Variants in SERPINB8 observed in about 807,000 individuals in gnomAD.
SERPINB8 encodes the protein serpin B8.
SERPINB8 carries 25 observed loss-of-function variants against 35.3 expected under a neutral mutation model. That is an observed-to-expected ratio of 0.71 (90% CI 0.52 to 0.99). The LOEUF is 0.99. Ranked by LOEUF, SERPINB8 falls within the 50% of genes least tolerant of loss-of-function variation. The probability of loss-of-function intolerance (pLI) is 0.00; values close to 1 mark genes in which losing one functional copy is unlikely to be tolerated. For missense variants in SERPINB8, 484 were observed against 446.5 expected (o/e 1.08, Z -0.76); for synonymous variants, 186 against 160.8 (o/e 1.16, Z -1.19).
intron 1 of SERPINB8, among the ~76,000 whole-genome samples, chr18:64,003,322 A>G (rs1226956330): frequency 6.6e-6 from 1 of 152,124 alleles, no homozygotes; most frequent in East Asian, 1.9e-4. Context: ...AGTCTGAGGA[A>G]GTGCAGGTGG....
intron 1 of SERPINB8, among the ~76,000 whole-genome samples, chr18:63,972,807 A>G (rs1304175032): frequency 6.6e-6 from 1 of 152,176 alleles, no homozygotes; most frequent in East Asian, 1.9e-4. Flanking sequence ...TGTCCCTACA[A>G]AGGACATGAA....
chr18:64,000,348 A>G (rs1243064078), intron 1 of SERPINB8, among the ~76,000 whole-genome samples: 1 of 152,096 alleles, frequency 6.6e-6, no homozygotes, highest in Non-Finnish European at 1.5e-5. Flanking sequence ...ATTTAGGACC[A>G]TGATAGGGTA....
At position 63,970,095 on chromosome 18, in the gene SERPINB8, T is replaced by A; in HGVS notation, c.-86T>A. On this transcript the variant is annotated 5_prime_UTR_variant, in exon 1 of 7. Coordinates refer to ENST00000397985, the MANE Select transcript of SERPINB8 (RefSeq NM_002640.4). ...GCCTTGCCCTCAATCAAGGCGGACGTGAAGCATCTACAAAGGAGGAATAGT... is the reference window on the plus strand; with the variant it reads ...GCCTTGCCCTCAATCAAGGCGGACGAGAAGCATCTACAAAGGAGGAATAGT... The A allele has an allele frequency of 3.5e-6, 1 of 288,356 alleles. No individual in the cohort carries two copies. Among genetic ancestry groups the A allele is most frequent in the Non-Finnish European group, 6.8e-6 (1 of 147,550 alleles). The allele number at this position is 288,356 out of a possible 1,614,324, so 17.9% of individuals were successfully genotyped here.
At chr18:64,001,475 G>GTTTGTTTATTTATTTA (rs1555716935) in intron 1 of SERPINB8, among the ~76,000 whole-genome samples, 2,725 of 146,872 alleles carry the variant, frequency 0.019, 41 homozygotes, top group African/African-American at 0.045. Flanking sequence ...TTGTTTGTTT[G>GTTTGTTTATTTATTTA]TTTATTTATT....
chr18:64,018,983 G>A (rs2050963294), exon 8 of SERPINB8: 2 of 152,052 alleles, frequency 1.3e-5, no homozygotes. Flanking sequence ...AGATGCATGA[G>A]TGCCAACTAC....
chr18:64,000,566 C>G (rs745768853), intron 1 of SERPINB8, among the ~76,000 whole-genome samples: 1 of 152,184 alleles, frequency 6.6e-6, no homozygotes, highest in East Asian at 1.9e-4. Flanking sequence ...AGGCTTAGGA[C>G]CCCCTGGGCC....
chr18:63,974,561 T>C (rs2050550964), intron 1 of SERPINB8, among the ~76,000 whole-genome samples: 1 of 152,236 alleles, frequency 6.6e-6, no homozygotes. Context: ...AAAACTAGTT[T>C]AATGCCAATT....
chr18:63,974,861 G>T (rs1364415741), intron 1 of SERPINB8, among the ~76,000 whole-genome samples: 1 of 152,094 alleles, frequency 6.6e-6, no homozygotes, highest in Non-Finnish European at 1.5e-5. Context: ...GTGTGAGTGT[G>T]TGCACATGTA....
intron 4 of SERPINB8, among the ~76,000 whole-genome samples, chr18:63,983,154 C>T (rs2050698331): frequency 6.6e-6 from 1 of 152,102 alleles, no homozygotes; most frequent in Non-Finnish European, 1.5e-5. Context: ...CACAAGACAG[C>T]CCCCATAACA....
chr18:64,004,027 C>T (rs2050888616), intron 1 of SERPINB8, among the ~76,000 whole-genome samples: 1 of 152,200 alleles, frequency 6.6e-6, no homozygotes, highest in Admixed American at 6.5e-5. Context: ...TATACACACT[C>T]TCTTTCTCAC....
At chr18:63,993,061 A>G (rs2050832507), downstream of SERPINB8, among the ~76,000 whole-genome samples, 1 of 152,216 alleles carries the variant, frequency 6.6e-6, no homozygotes, top group Non-Finnish European at 1.5e-5. Flanking sequence ...GTTTGATCAT[A>G]TAGCCTCCAG....
chr18:64,009,229 C>G (rs1314398842), downstream of SERPINB8, among the ~76,000 whole-genome samples: 1 of 152,150 alleles, frequency 6.6e-6, no homozygotes, highest in Non-Finnish European at 1.5e-5. Flanking sequence ...TCATGTCATT[C>G]ATAGAAAGAC....
intron 6 of SERPINB8, chr18:63,986,554 A>G: frequency 2.3e-6 from 3 of 1,322,704 alleles, no homozygotes; most frequent in Non-Finnish European, 1.9e-6. Flanking sequence ...AGATTAATGT[A>G]ATGAATTGGT....
intron 5 of SERPINB8, among the ~76,000 whole-genome samples, chr18:63,984,403 T>G (rs1329361507): frequency 6.6e-6 from 1 of 152,186 alleles, no homozygotes; most frequent in African/African-American, 2.4e-5. Flanking sequence ...TTTATTGCCT[T>G]AAAAGTCAAA....
intron 1 of SERPINB8, among the ~76,000 whole-genome samples, chr18:63,973,235 T>C (rs1467754869): frequency 6.6e-6 from 1 of 152,254 alleles, no homozygotes; most frequent in Non-Finnish European, 1.5e-5. Flanking sequence ...ATTTCTCTGA[T>C]GACCAGTGAT....
rs541935147 is a variant in SERPINB8 at position 63,973,599 on chromosome 18, T to G, written c.-11+3429T>G. 4.4e-4 allele frequency among the ~76,000 whole-genome samples: 67 copies of G among 152,350 alleles called. 1 individual carries two copies. Among genetic ancestry groups the G allele is most frequent in the Non-Finnish European group, 8.1e-4 (55 of 68,026 alleles). On this transcript the variant is annotated intron_variant, in intron 1 of 6. Transcript: ENST00000397985. The stretch of plus-strand genomic sequence containing the variant: ...TGTCCTGAATGGTATTGCCTAGGTT[T>G]TCTTCTAGGGTTTTTATGGTTTTAG...
At chr18:63,978,098 T>G (rs942794576) in intron 1 of SERPINB8, among the ~76,000 whole-genome samples, 8 of 152,194 alleles carry the variant, frequency 5.3e-5, no homozygotes, top group Non-Finnish European at 1.0e-4. Context: ...GATCTCAAAA[T>G]ACTTAACTGA....
exon 2 of SERPINB8, chr18:64,005,544 G>A (rs1301718711): frequency 6.6e-6 from 1 of 152,222 alleles, no homozygotes; most frequent in Non-Finnish European, 1.5e-5. Flanking sequence ...TACACAGTGA[G>A]AAGGTGCCAT....
Position 63,977,942 on chromosome 18 carries a change from T to A in SERPINB8, c.-10-357T>A, listed in dbSNP as rs1463102170. ...TGCCTTTTCTGGCTTCTCGAGGAGG[T>A]TGCATTCCTTCATCAGTGGCCCCTA... On this transcript the variant is annotated intron_variant, in intron 1 of 6. Coordinates refer to ENST00000397985, the MANE Select transcript of SERPINB8 (RefSeq NM_002640.4). Among the ~76,000 whole-genome samples, 5 of 152,120 alleles carry A rather than the reference T, an allele frequency of 3.3e-5. No individual in the cohort carries two copies. The East Asian group carries it at 9.6e-4, about 29-fold the overall frequency.
Sources: allele counts gnomAD v4.1 joint callset (sites outside exome capture counted in the v4.1 genomes callset), GRCh38; gene constraint gnomAD v4.1.1; transcripts MANE v1.5; gene names NCBI Gene and HGNC (gene_info 2026-07-23, HGNC 2026-07-21).